Variants in EPN2 observed in about 807,000 individuals in gnomAD.
The protein encoded by EPN2 is epsin-2.
Under a neutral mutation model 61.7 loss-of-function variants are expected in EPN2, and 34 were observed. That is an observed-to-expected ratio of 0.55 (90% CI 0.42 to 0.73). The LOEUF is 0.73. Ranked by LOEUF, EPN2 falls within the 30% of genes least tolerant of loss-of-function variation. The probability of loss-of-function intolerance (pLI) is 0.00; values close to 1 mark genes in which losing one functional copy is unlikely to be tolerated. For synonymous variants in EPN2, 349 were observed against 353.6 expected (o/e 0.99, Z 0.15); for missense variants, 714 against 839.2 (o/e 0.85, Z 1.84).
intron 1 of EPN2, among the ~76,000 whole-genome samples, chr17:19,250,955 G>T (rs2045009251): frequency 6.6e-6 from 1 of 151,728 alleles, no homozygotes; most frequent in African/African-American, 2.4e-5. Context: ...TCTGACCCAG[G>T]GCTCTACATT....
At chr17:19,290,754 C>G (rs1435777947) in intron 4 of EPN2, among the ~76,000 whole-genome samples, 1 of 144,982 alleles carries the variant, frequency 6.9e-6, no homozygotes, top group Non-Finnish European at 1.5e-5. Flanking sequence ...GAATAGAAAT[C>G]TTCATTGCTT....
At chr17:19,317,379 G>C (rs530595663) in intron 7 of EPN2, among the ~76,000 whole-genome samples, 1 of 152,330 alleles carries the variant, frequency 6.6e-6, no homozygotes, top group South Asian at 2.1e-4. Context: ...GCTGGCTGGA[G>C]CCCTCTCTCT....
At chr17:19,279,011 A>G (rs1306030642) in intron 1 of EPN2, among the ~76,000 whole-genome samples, 1 of 152,208 alleles carries the variant, frequency 6.6e-6, no homozygotes, top group Non-Finnish European at 1.5e-5. Flanking sequence ...GCAGGCAGCC[A>G]TGCAAATTAT....
chr17:19,271,266 G>A (rs985789959), intron 1 of EPN2, among the ~76,000 whole-genome samples: 3 of 152,170 alleles, frequency 2.0e-5, no homozygotes, highest in African/African-American at 4.8e-5. Flanking sequence ...GATAGAGAGT[G>A]CCTGATGGGT....
At chr17:19,292,137 G>A (rs2045471517) in intron 4 of EPN2, among the ~76,000 whole-genome samples, 1 of 152,230 alleles carries the variant, frequency 6.6e-6, no homozygotes, top group African/African-American at 2.4e-5. Flanking sequence ...GTGCTTCTGA[G>A]GTGGACCTTG....
intron 7 of EPN2, among the ~76,000 whole-genome samples, chr17:19,322,484 C>T (rs1010569669): frequency 1.3e-5 from 2 of 151,812 alleles, no homozygotes; most frequent in Non-Finnish European, 2.9e-5. Flanking sequence ...TGTCTCCTTG[C>T]GCCTGGCCAA....
At chr17:19,242,241 C>T (rs991571135) in intron 1 of EPN2, among the ~76,000 whole-genome samples, 15 of 151,364 alleles carry the variant, frequency 9.9e-5, no homozygotes, top group African/African-American at 1.7e-4. Context: ...GTTTTTGAGA[C>T]GAGTCTGGCC....
At chr17:19,317,452 G>A (rs1251151238) in intron 7 of EPN2, among the ~76,000 whole-genome samples, 3 of 152,216 alleles carry the variant, frequency 2.0e-5, no homozygotes, top group Non-Finnish European at 4.4e-5. Context: ...GCAGCAGGTG[G>A]TGCTACTGGC....
chr17:19,332,813 A>G (rs1455436797), intron 10 of EPN2, among the ~76,000 whole-genome samples: 1 of 152,198 alleles, frequency 6.6e-6, no homozygotes, highest in African/African-American at 2.4e-5. Flanking sequence ...AAGTCCACCC[A>G]GCCCCCTTCC....
At chr17:19,328,923 T>G in intron 8 of EPN2, 36 bp downstream of exon 8, 2 of 1,581,030 alleles carry the variant, frequency 1.3e-6, no homozygotes, top group Non-Finnish European at 1.7e-6. Flanking sequence ...CTGCCTGGCC[T>G]CTGAGCGCCC....
chr17:19,333,957 T>C lies in EPN2; in HGVS notation c.1629T>C (p.Gly543=). The C allele has an allele frequency of 6.5e-7, 1 of 1,534,502 alleles. No individual in the cohort carries two copies. The highest frequency in any genetic ancestry group is 8.8e-7 in the Non-Finnish European group (1 of 1,135,534). The change falls in exon 11 of 11, where the codon GGT becomes GGC. Residue 543 remains glycine (G), a splice_region_variant and synonymous_variant. Transcript: ENST00000314728. ...AQSLNPFLAP[G]APATSAPVNP... Reference sequence around the variant, plus strand: ...CTGCCCCTCCTTCTGTCTCCCCAGGTGCTCCCGCCACCTCGGCCCCTGTTA... The same window carrying C: ...CTGCCCCTCCTTCTGTCTCCCCAGGCGCTCCCGCCACCTCGGCCCCTGTTA...
chr17:19,328,879 C>G lies in EPN2; in HGVS notation c.1316C>G (p.Ser439Cys). ...WGAVSTTKPVSVSGSFELFSN... is the reference protein window; with the variant it reads ...WGAVSTTKPVCVSGSFELFSN... ...GCAGTCTCCACCACCAAGCCCGTGT[C>G]TGTCTCTGGTGAGCCCCTCACTCAC... The change falls in exon 8 of 11, where the codon TCT becomes TGT. Residue 439 changes from serine to cysteine, a missense_variant. Transcript: ENST00000314728. 6.2e-7 allele frequency: 1 copy of G among 1,610,530 alleles called. No individual in the cohort carries two copies. The highest frequency in any genetic ancestry group is 8.5e-7 in the Non-Finnish European group (1 of 1,178,070).
chr17:19,250,236 A>T (rs2152202322), intron 1 of EPN2, among the ~76,000 whole-genome samples: 1 of 152,044 alleles, frequency 6.6e-6, no homozygotes, highest in African/African-American at 2.4e-5. Flanking sequence ...CTGGGATTAC[A>T]GGTGTGCGCG....
chr17:19,320,611 A>C (rs1462277181), intron 7 of EPN2, among the ~76,000 whole-genome samples: 1 of 152,216 alleles, frequency 6.6e-6, no homozygotes, highest in Non-Finnish European at 1.5e-5. Flanking sequence ...TCAGTATTTT[A>C]CTAAAATCCC....
Position 19,335,700 on chromosome 17 carries a change from A to G in EPN2, c.*1446A>G. The G allele has an allele frequency of 2.5e-6, 1 of 394,732 alleles. No homozygotes were observed. Among genetic ancestry groups the G allele is most frequent in the Non-Finnish European group, 4.5e-6 (1 of 222,944 alleles). 24.5% of individuals were successfully genotyped at this position (394,732 alleles called of 1,614,324 possible). ...ATTATTTTTAAGTTGGAGACCTAAAAATAATTCTCTTGTATTTTGGAGATG... is the reference window on the plus strand; with the variant it reads ...ATTATTTTTAAGTTGGAGACCTAAAGATAATTCTCTTGTATTTTGGAGATG... On this transcript the variant is annotated 3_prime_UTR_variant, in exon 11 of 11. Coordinates refer to ENST00000314728, the MANE Select transcript of EPN2 (RefSeq NM_014964.5).
At chr17:19,271,496 G>A (rs2045253077) in intron 1 of EPN2, 1 of 152,238 alleles carries the variant, frequency 6.6e-6, no homozygotes, top group Admixed American at 6.5e-5. Context: ...TGGGATGAAG[G>A]AGCTCATCCT....
chr17:19,333,307 G>A (rs1349218665), intron 10 of EPN2, among the ~76,000 whole-genome samples: 1 of 152,168 alleles, frequency 6.6e-6, no homozygotes, highest in African/African-American at 2.4e-5. Flanking sequence ...GTTCCTGGGG[G>A]CTGCAGCCAA....
chr17:19,250,734 C>T (rs2045006153), intron 1 of EPN2, among the ~76,000 whole-genome samples: 1 of 152,164 alleles, frequency 6.6e-6, no homozygotes, highest in Admixed American at 6.5e-5. Context: ...TGTCTGGTCC[C>T]TGCTCTGGGG....
intron 4 of EPN2, chr17:19,307,841 C>T: frequency 1.1e-6 from 1 of 876,638 alleles, no homozygotes. Flanking sequence ...GCCTGAATTG[C>T]ATTTAGGCCT....
Sources: gnomAD v4.1 joint callset for allele counts (sites outside exome capture counted in the v4.1 genomes callset) on GRCh38, gnomAD v4.1.1 for gene constraint, MANE v1.5 for transcripts, NCBI Gene and HGNC (gene_info 2026-07-23, HGNC 2026-07-21) for gene names.